RUNX1: variants seen among roughly 807,000 people sequenced by gnomAD.
RUNX1 encodes the protein runt-related transcription factor 1.
Under a neutral mutation model 42.8 loss-of-function variants are expected in RUNX1, and 19 were observed. The ratio of observed to expected loss-of-function variants is 0.44; its 90% CI spans 0.31 to 0.65. The LOEUF (loss-of-function observed/expected upper bound fraction) is 0.65, where lower values mean the gene tolerates loss of function less well. Among genes scored for constraint, RUNX1 ranks in the 30% least tolerant of loss-of-function variants. The pLI is 0.07. For synonymous variants in RUNX1, 271 were observed against 289.4 expected, an observed-to-expected ratio of 0.94 and a Z score of 0.64; for missense variants, 528 against 672.0, an observed-to-expected ratio of 0.79 and a Z score of 2.37.
chr21:35,015,152 C>A (rs1475013577), intron 2 of RUNX1, among the ~76,000 whole-genome samples: 1 of 152,354 alleles, frequency 6.6e-6, no homozygotes, highest in African/African-American at 2.4e-5. Context: ...CTTTTCCTGG[C>A]TGTGAGATCC....
chr21:34,930,703 ACTCT>A (rs71841507), intron 2 of RUNX1, among the ~76,000 whole-genome samples: 4,358 of 149,098 alleles, frequency 0.029, 78 homozygotes, highest in African/African-American at 0.058. Flanking sequence ...ACACACACAC[ACTCT>A]CTCTCTCTCT....
intron 7 of RUNX1, among the ~76,000 whole-genome samples, chr21:34,831,110 T>C (rs192310881): frequency 6.6e-6 from 1 of 152,166 alleles, no homozygotes. Flanking sequence ...TTCTATCTTT[T>C]GAAATAAATT....
At chr21:34,937,351 T>C (rs1165942780) in intron 2 of RUNX1, among the ~76,000 whole-genome samples, 2 of 147,408 alleles carry the variant, frequency 1.4e-5, no homozygotes, top group African/African-American at 2.5e-5. Flanking sequence ...TACAATAATC[T>C]ATTGTTGAGC....
chr21:34,846,194 C>CTTTTTTTT (rs5843687), intron 6 of RUNX1, among the ~76,000 whole-genome samples: 12 of 102,264 alleles, frequency 1.2e-4, no homozygotes, highest in African/African-American at 3.5e-4. Context: ...TTAAGGATGT[C>CTTTTTTTT]TTTTTTTTTT....
intron 7 of RUNX1, among the ~76,000 whole-genome samples, chr21:34,820,616 C>T (rs925715829): frequency 6.6e-6 from 1 of 151,674 alleles, no homozygotes; most frequent in Admixed American, 6.6e-5. Context: ...TTGCAGTGAG[C>T]CTGGGTGACA....
chr21:35,047,027 T>C (rs182922708), intron 2 of RUNX1, among the ~76,000 whole-genome samples: 2 of 152,234 alleles, frequency 1.3e-5, no homozygotes, highest in East Asian at 1.9e-4. Flanking sequence ...GATGTCTGCA[T>C]AGCTCAGCGT....
At chr21:34,821,573 G>A in intron 7 of RUNX1, 1 of 1,544,454 alleles carries the variant, frequency 6.5e-7, no homozygotes, top group Non-Finnish European at 8.8e-7. Context: ...TCTGAGGGCT[G>A]TCATCTTTCT....
intron 2 of RUNX1, among the ~76,000 whole-genome samples, chr21:35,036,620 T>C (rs2059310502): frequency 1.3e-5 from 2 of 149,116 alleles, no homozygotes; most frequent in South Asian, 2.1e-4. Flanking sequence ...GGAATTATCA[T>C]GATGTCAGAG....
intron 2 of RUNX1, among the ~76,000 whole-genome samples, chr21:34,897,780 C>A (rs1407397882): frequency 6.6e-6 from 1 of 152,144 alleles, no homozygotes; most frequent in African/African-American, 2.4e-5. Context: ...AAGGCAGAAG[C>A]ATAAAATGAA....
intron 6 of RUNX1, among the ~76,000 whole-genome samples, chr21:34,852,153 G>GC (rs1174966591): frequency 6.6e-6 from 1 of 151,538 alleles, no homozygotes; most frequent in Admixed American, 6.6e-5. Context: ...GGGCGAAAGA[G>GC]CAAGACTCTG....
intron 7 of RUNX1, among the ~76,000 whole-genome samples, chr21:34,827,006 G>A (rs1014400805): frequency 2.6e-5 from 4 of 152,228 alleles, no homozygotes; most frequent in African/African-American, 7.2e-5. Flanking sequence ...AGAACTAGGG[G>A]AAGTCTAAAT....
At chr21:35,007,629 T>C (rs1036032733) in intron 2 of RUNX1, among the ~76,000 whole-genome samples, 2 of 152,184 alleles carry the variant, frequency 1.3e-5, no homozygotes, top group Non-Finnish European at 2.9e-5. Context: ...CAGACCTTCA[T>C]GTCACCTCTT....
In RUNX1 at chr21:34,880,721, C is replaced by T. The variant is rs766842313; in HGVS notation, c.352-8G>A. The T allele has an allele frequency of 6.8e-6, 11 of 1,613,866 alleles. No individual in the cohort carries two copies. In the East Asian group the frequency reaches 2.2e-4, roughly 33 times the overall value. Reference sequence around the variant, plus strand: ...ATCCCCTAGGGCCACCACCTAAACACCAGTCAAAGGACAAATGCAGACATC... The same window carrying T: ...ATCCCCTAGGGCCACCACCTAAACATCAGTCAAAGGACAAATGCAGACATC... On this transcript the variant is annotated splice_region_variant and splice_polypyrimidine_tract_variant and intron_variant, in intron 4 of 8. Transcript: ENST00000675419.
intron 5 of RUNX1, among the ~76,000 whole-genome samples, chr21:34,876,490 A>C (rs923865109): frequency 2.0e-5 from 3 of 152,250 alleles, no homozygotes; most frequent in Non-Finnish European, 4.4e-5. Flanking sequence ...GTGGATCCCC[A>C]GAAGGTCCAT....
chr21:34,869,101 G>A (rs543592096), intron 5 of RUNX1, among the ~76,000 whole-genome samples: 103 of 152,150 alleles, frequency 6.8e-4, no homozygotes, highest in South Asian at 1.9e-3. Flanking sequence ...CCTTGCCATC[G>A]AGGAGTGGGC....
At chr21:34,889,326 C>G (rs2058047181) in intron 3 of RUNX1, among the ~76,000 whole-genome samples, 1 of 152,216 alleles carries the variant, frequency 6.6e-6, no homozygotes, top group East Asian at 1.9e-4. Context: ...TGAGGCCGGA[C>G]GGCGTCCGCG....
In RUNX1 at chr21:34,799,313, T is replaced by C. The variant is rs1292992987; in HGVS notation, c.955A>G (p.Ser319Gly). 1 of 1,614,168 alleles carries C rather than the reference T, an allele frequency of 6.2e-7. No homozygotes were observed. ...GMTTLSAELS[S>G]RLSTAPDLTA... ...TCAAGTGGCTTACTTGAGAGTCGAC[T>C]GGAAAGTTCTGCAGAGAGGGTTGTC... Residue 319 changes from serine (S) to glycine (G), a missense_variant, in exon 8 of 9, where the codon AGT becomes GGT. By Grantham distance (56) the Ser-to-Gly change is moderately conservative (BLOSUM62 0). Transcript: ENST00000675419.
chr21:34,836,424 T>G (rs2146087572), intron 6 of RUNX1, among the ~76,000 whole-genome samples: 1 of 152,360 alleles, frequency 6.6e-6, no homozygotes, highest in Middle Eastern at 3.4e-3. Context: ...TCAGTGCCTC[T>G]GGATGAAGCC....
At chr21:34,959,696 T>C (rs1383057914) in intron 2 of RUNX1, among the ~76,000 whole-genome samples, 1 of 152,106 alleles carries the variant, frequency 6.6e-6, no homozygotes, top group African/African-American at 2.4e-5. Context: ...TTCATTTCTT[T>C]AGGAACCTGA....
Sources: allele counts gnomAD v4.1 joint callset (sites outside exome capture counted in the v4.1 genomes callset), GRCh38; gene constraint gnomAD v4.1.1; transcripts MANE v1.5; gene names NCBI Gene and HGNC (gene_info 2026-07-23, HGNC 2026-07-21).